Variants in BAZ1A observed in about 807,000 individuals in gnomAD.
BAZ1A encodes the protein bromodomain adjacent to zinc finger domain 1A.
BAZ1A carries 50 observed loss-of-function variants against 185.2 expected under a neutral mutation model. That is an observed-to-expected ratio of 0.27 (90% CI 0.22 to 0.34). The LOEUF is 0.34. Among genes scored for constraint, BAZ1A ranks in the 10% least tolerant of loss-of-function variants. The pLI, the probability that BAZ1A is intolerant of heterozygous loss-of-function variation, is 1.00. For synonymous variants in BAZ1A, 571 were observed against 615.6 expected (o/e 0.93, Z 1.07); for missense variants, 1,356 against 1,839.9 (o/e 0.74, Z 4.81).
intron 3 of BAZ1A, among the ~76,000 whole-genome samples, chr14:34,860,749 T>G (rs994338720): frequency 6.6e-6 from 1 of 151,496 alleles, no homozygotes; most frequent in Non-Finnish European, 1.5e-5. Flanking sequence ...AATACAAAAA[T>G]TAGCTGGGTG....
intron 6 of BAZ1A, 33 bp from the exon 7 acceptor site, chr14:34,803,021 AACAC>A (rs1351396765): frequency 2.5e-6 from 4 of 1,571,742 alleles, no homozygotes; most frequent in African/African-American, 1.4e-5. Context: ...GTACAATAAT[AACAC>A]ATTAGTAAAC....
intron 16 of BAZ1A, among the ~76,000 whole-genome samples, chr14:34,782,554 T>C (rs1880108073): frequency 2.0e-5 from 3 of 152,206 alleles, no homozygotes; most frequent in Non-Finnish European, 2.9e-5. Flanking sequence ...TTATCAGATA[T>C]ATGATTTGCA....
intron 17 of BAZ1A, 151 bp downstream of exon 17, chr14:34,780,035 C>T: frequency 1.1e-6 from 1 of 939,996 alleles, no homozygotes; most frequent in East Asian, 2.5e-5. Context: ...TACAACTCAT[C>T]ACAGCTATGA....
chr14:34,805,748 A>C (rs1193344899), intron 6 of BAZ1A, among the ~76,000 whole-genome samples: 1 of 152,158 alleles, frequency 6.6e-6, no homozygotes, highest in African/African-American at 2.4e-5. Context: ...TATTTCATCC[A>C]CGGTGAATTT....
chr14:34,872,941 A>AAAAAAAAAAAAAAAAAAAAAC (rs1555346584), intron 2 of BAZ1A, among the ~76,000 whole-genome samples: 1 of 122,620 alleles, frequency 8.2e-6, no homozygotes, highest in African/African-American at 3.3e-5. Flanking sequence ...AAAAAAAAAA[A>AAAAAAAAAAAAAAAAAAAAAC]CTTGTCCAAT....
chr14:34,770,350 A>C (rs1879130642), intron 21 of BAZ1A, among the ~76,000 whole-genome samples: 1 of 152,196 alleles, frequency 6.6e-6, no homozygotes, highest in South Asian at 2.1e-4. Context: ...ACGGGGTTTC[A>C]CCATGTTGGT....
intron 17 of BAZ1A, among the ~76,000 whole-genome samples, chr14:34,779,659 TAAC>T (rs1446122488): frequency 1.3e-5 from 2 of 152,200 alleles, no homozygotes; most frequent in African/African-American, 4.8e-5. Context: ...AAATTTGTAT[TAAC>T]AACTTTTAAA....
intron 9 of BAZ1A, among the ~76,000 whole-genome samples, chr14:34,797,894 G>T (rs1881288029): frequency 6.6e-6 from 1 of 152,248 alleles, no homozygotes; most frequent in Non-Finnish European, 1.5e-5. Flanking sequence ...AGTGCAAGGG[G>T]TCAGGGGATT....
At chr14:34,753,745 A>G in intron 26 of BAZ1A, 41 bp from the exon 27 acceptor site, 1 of 1,371,306 alleles carries the variant, frequency 7.3e-7, no homozygotes, top group African/African-American at 1.5e-5. Context: ...ATGAAAGTAC[A>G]TAAATTATAA....
chr14:34,849,422 A>C (rs1241749115), intron 3 of BAZ1A, among the ~76,000 whole-genome samples: 3 of 152,218 alleles, frequency 2.0e-5, no homozygotes, highest in Non-Finnish European at 2.9e-5. Flanking sequence ...GTTGAGAAAT[A>C]TGCACTAAAT....
At chr14:34,860,567 C>G (rs1018440239) in intron 3 of BAZ1A, among the ~76,000 whole-genome samples, 6 of 144,506 alleles carry the variant, frequency 4.2e-5, no homozygotes, top group Admixed American at 3.5e-4. Context: ...AAACCCAGAG[C>G]CAGACTTTGT....
intron 4 of BAZ1A, among the ~76,000 whole-genome samples, chr14:34,815,039 T>G (rs1266845633): frequency 6.6e-6 from 1 of 152,166 alleles, no homozygotes; most frequent in East Asian, 1.9e-4. Flanking sequence ...CCTCCCAAAG[T>G]GCTGGGATTA....
intron 3 of BAZ1A, among the ~76,000 whole-genome samples, chr14:34,849,401 T>C (rs1048909649): frequency 3.9e-5 from 6 of 152,160 alleles, no homozygotes; most frequent in Admixed American, 2.0e-4. Context: ...TAGTATAGTA[T>C]AGAAAAAACG....
chr14:34,814,641 T>C (rs2041979289), intron 4 of BAZ1A, among the ~76,000 whole-genome samples: 1 of 151,896 alleles, frequency 6.6e-6, no homozygotes, highest in African/African-American at 2.4e-5. Flanking sequence ...GGCTAATTTT[T>C]TGTATTTTTT....
chr14:34,782,994 T>C, intron 16 of BAZ1A, 125 bp downstream of exon 16: 2 of 735,412 alleles, frequency 2.7e-6, no homozygotes, highest in South Asian at 1.6e-5. Context: ...TCTGGGAAAT[T>C]ATCATGTACC....
intron 16 of BAZ1A, among the ~76,000 whole-genome samples, chr14:34,781,142 GT>G (rs1228136520): frequency 6.6e-6 from 1 of 152,180 alleles, no homozygotes; most frequent in African/African-American, 2.4e-5. Flanking sequence ...CCACAGTTGG[GT>G]TTTGCAAGTT....
chr14:34,807,523 T>C lies in BAZ1A; in HGVS notation c.654A>G (p.Leu218=), dbSNP rs369541656. The part of the protein sequence containing the change: ...KATQISRRKH[L]FSRDKLKLFL... ...AAAGCTTTAGTTTATCACGAGAAAA[T>C]AGGTGTTTTCTCCGGCTACAGGAGG... is the stretch of plus-strand genomic sequence containing the variant. Residue 218 remains leucine (L), a synonymous_variant, in exon 6 of 27, where the codon CTA becomes CTG. Coordinates refer to ENST00000360310, the MANE Select transcript of BAZ1A (RefSeq NM_013448.3). The C allele has an allele frequency of 4.3e-6, 7 of 1,612,386 alleles. No homozygotes were observed. The highest frequency in any genetic ancestry group is 2.2e-5 in the East Asian group (1 of 44,794).
At chr14:34,831,052 G>A (rs531032552) in intron 3 of BAZ1A, among the ~76,000 whole-genome samples, 8 of 152,078 alleles carry the variant, frequency 5.3e-5, no homozygotes, top group African/African-American at 1.9e-4. Flanking sequence ...CCTACCATTG[G>A]GCTAAATCTC....
rs758464662 is a variant in BAZ1A at position 34,795,656 on chromosome 14, T to C, written c.1224+14A>G. 1.9e-6 allele frequency: 3 copies of C among 1,576,516 alleles called. No individual in the cohort carries two copies. Among genetic ancestry groups the C allele is most frequent in the African/African-American group, 1.4e-5 (1 of 73,332 alleles). The stretch of plus-strand genomic sequence containing the variant: ...AAACCTATGTGTGCTAAACATCACA[T>C]AACATGTTTATACCTTAAGGTCATC... On this transcript the variant is annotated intron_variant, in intron 10 of 26. Coordinates refer to ENST00000360310, the MANE Select transcript of BAZ1A (RefSeq NM_013448.3).
Sources: allele counts gnomAD v4.1 joint callset (sites outside exome capture counted in the v4.1 genomes callset), GRCh38; gene constraint gnomAD v4.1.1; transcripts MANE v1.5; gene names NCBI Gene and HGNC (gene_info 2026-07-23, HGNC 2026-07-21).